The following HOXD1 variants were observed in gnomAD, a reference collection of about 807,000 sequenced individuals.
The protein encoded by HOXD1 is homeobox D1.
HOXD1 carries 17 observed loss-of-function variants against 19.9 expected under a neutral mutation model. The ratio of observed to expected loss-of-function variants is 0.85; its 90% CI spans 0.58 to 1.28. The LOEUF (loss-of-function observed/expected upper bound fraction) is 1.28. Among genes scored for constraint, HOXD1 ranks in the 50% most tolerant of loss-of-function variants. The probability of loss-of-function intolerance (pLI) is 0.00; values close to 1 mark genes in which losing one functional copy is unlikely to be tolerated. For missense variants in HOXD1, 500 were observed against 460.1 expected, an observed-to-expected ratio of 1.09 and a Z score of -0.79; for synonymous variants, 239 against 216.0, an observed-to-expected ratio of 1.11 and a Z score of -0.93.
Position 176,189,315 on chromosome 2 carries a change from G to A in HOXD1, c.514G>A (p.Asp172Asn), listed in dbSNP as rs1425541814. The change falls in exon 1 of 2, where the codon GAC becomes AAC. Residue 172 changes from aspartate to asparagine, a missense_variant. Physicochemically the swap from Asp to Asn is conservative, Grantham distance 23 (BLOSUM62 1). Transcript: ENST00000331462. ...TCCGGCTTGTCTCAAAGCGTCAGCC[G>A]ACGGCCACCCTGGTGCTTTCCAGAC... ...PFPACLKASA[D>N]GHPGAFQTAS... 1 of 1,611,778 alleles carries A rather than the reference G, an allele frequency of 6.2e-7. No homozygotes were observed. Among genetic ancestry groups the A allele is most frequent in the Non-Finnish European group, 8.5e-7 (1 of 1,179,604 alleles).
In HOXD1 at chr2:176,190,132, A is replaced by G; in HGVS notation, c.977A>G (p.Glu326Gly). 1 of 1,595,014 alleles carries G rather than the reference A, an allele frequency of 6.3e-7. No individual in the cohort carries two copies. Among genetic ancestry groups the G allele is most frequent in the Non-Finnish European group, 8.5e-7 (1 of 1,170,226 alleles). The stretch of plus-strand genomic sequence containing the variant: ...CCCGGCAGCCCTTCTCAGTCCCAAG[A>G]GCCTTCGTGAGGCCGGTACTTGGGG... ...KNPGSPSQSQEPS is the reference protein window; with the variant it reads ...KNPGSPSQSQGPS The change falls in exon 2 of 2, where the codon GAG (glutamate) becomes GGG (glycine). Residue 326 changes from glutamate to glycine, a missense_variant. Glu to Gly is a moderately conservative substitution (Grantham distance 98). Coordinates refer to ENST00000331462, the MANE Select transcript of HOXD1 (RefSeq NM_024501.3).
In HOXD1 at chr2:176,189,896, G is replaced by A; in HGVS notation, c.741G>A (p.Glu247=). ...STKQLTELEK[E]FHFNKYLTRA... is the part of the protein sequence containing the mutation. ...AGCAACTGACAGAACTGGAAAAAGA[G>A]TTTCATTTCAATAAGTACTTAACTC... The change falls in exon 2 of 2, where the codon GAG becomes GAA. Residue 247 remains glutamate (E), a synonymous_variant. Coordinates refer to ENST00000331462, the MANE Select transcript of HOXD1 (RefSeq NM_024501.3). 1 of 1,614,212 alleles carries A rather than the reference G, an allele frequency of 6.2e-7. No homozygotes were observed. The highest frequency in any genetic ancestry group is 8.5e-7 in the Non-Finnish European group (1 of 1,180,044).
At chr2:176,189,731 T>G (rs774507962) in intron 1 of HOXD1, 77 bp from the exon 2 acceptor site, 2 of 1,612,006 alleles carry the variant, frequency 1.2e-6, no homozygotes, top group South Asian at 1.1e-5. Flanking sequence ...GGGACTTTGA[T>G]TCTAACTAGC....
chr2:176,189,934 T>C lies in HOXD1; in HGVS notation c.779T>C (p.Ile260Thr), dbSNP rs1408792103. The change falls in exon 2 of 2, where the codon ATC becomes ACC. Residue 260 changes from isoleucine (I) to threonine (T), a missense_variant. Physicochemically the swap from Ile to Thr is moderately conservative, Grantham distance 89. Transcript: ENST00000331462. ...FNKYLTRARR[I>T]EIANCLHLND... is the part of the protein sequence containing the mutation. ...AAGTACTTAACTCGAGCCCGGCGCA[T>C]CGAGATAGCCAACTGCTTGCACCTG... 6.2e-7 allele frequency: 1 copy of C among 1,613,894 alleles called. No homozygotes were observed. The highest frequency in any genetic ancestry group is 1.3e-5 in the African/African-American group (1 of 74,866).
Position 176,190,201 on chromosome 2 carries a change from C to A in HOXD1, c.*59C>A. 3 of 1,161,680 alleles carry A rather than the reference C, an allele frequency of 2.6e-6. No homozygotes were observed. Among genetic ancestry groups the A allele is most frequent in the East Asian group, 2.4e-5 (1 of 42,184 alleles). 72.0% of individuals were successfully genotyped at this position (1,161,680 alleles called of 1,614,324 possible). A position where few individuals can be genotyped will look rare whatever the true frequency, so the allele number is the denominator to read the frequency against. On this transcript the variant is annotated 3_prime_UTR_variant, in exon 2 of 2. Coordinates refer to ENST00000331462, the MANE Select transcript of HOXD1 (RefSeq NM_024501.3). ...CAGAAGTCCCAGGCGACCCCCATCC[C>A]TATCTAGACTTAGGAGCTCAGTTTG... is the stretch of plus-strand genomic sequence containing the variant.
chr2:176,188,829 TGCAGCA>T lies in HOXD1; in HGVS notation c.34_39del (p.Ser12_Ser13del). 6.2e-7 allele frequency: 1 copy of T among 1,608,938 alleles called. No individual in the cohort carries two copies. Among genetic ancestry groups the T allele is most frequent in the South Asian group, 1.1e-5 (1 of 90,692 alleles). ...GAGCTCCTACCTGGAGTACGTGTCA[TGCAGCA>T]GCAGCGGCGGGGTCGGCGGCGACGT... On this transcript the variant is annotated inframe_deletion, in exon 1 of 2. Coordinates refer to ENST00000331462, the MANE Select transcript of HOXD1 (RefSeq NM_024501.3).
Position 176,188,834 on chromosome 2 carries a change from C to T in HOXD1, c.33C>T (p.Ser11=). ...CCTACCTGGAGTACGTGTCATGCAG[C>T]AGCAGCGGCGGGGTCGGCGGCGACG... is the stretch of plus-strand genomic sequence containing the variant. MSSYLEYVSC[S]SSGGVGGDVL... is the part of the protein sequence containing the mutation. Residue 11 remains serine (S), a synonymous_variant, in exon 1 of 2, where the codon AGC becomes AGT. Transcript: ENST00000331462. 1 of 1,608,588 alleles carries T rather than the reference C, an allele frequency of 6.2e-7. No homozygotes were observed. Among genetic ancestry groups the T allele is most frequent in the Non-Finnish European group, 8.5e-7 (1 of 1,178,212 alleles).
intron 1 of HOXD1, 58 bp downstream of exon 1, chr2:176,189,511 G>C (rs1450803413): frequency 6.2e-7 from 1 of 1,612,130 alleles, no homozygotes; most frequent in Non-Finnish European, 8.5e-7. Flanking sequence ...CCTCCCCCGC[G>C]GAAATGCGCT....
rs1475056287 is a variant in HOXD1, at chr2:176,189,680, TG to T, written c.653-126del. ...AAGGAGCTCTCCGTGGAACTTCTCC[TG>T]GTACAAATTCTGTTCCTAGGGACCC... On this transcript the variant is annotated intron_variant, in intron 1 of 1. Coordinates refer to ENST00000331462, the MANE Select transcript of HOXD1 (RefSeq NM_024501.3). 5.6e-6 allele frequency: 9 copies of T among 1,600,998 alleles called. No individual in the cohort carries two copies. The African/African-American group carries it at 1.1e-4, about 19-fold the overall frequency.
chr2:176,190,212 T>A lies in HOXD1; in HGVS notation c.*70T>A. 1 of 1,048,568 alleles carries A rather than the reference T, an allele frequency of 9.5e-7. No homozygotes were observed. Among genetic ancestry groups the A allele is most frequent in the Non-Finnish European group, 1.4e-6 (1 of 708,910 alleles). The allele number at this position is 1,048,568 out of a possible 1,614,324, so 65.0% of individuals were successfully genotyped here. A position where few individuals can be genotyped will look rare whatever the true frequency, so the allele number is the denominator to read the frequency against. On this transcript the variant is annotated 3_prime_UTR_variant, in exon 2 of 2. Coordinates refer to ENST00000331462, the MANE Select transcript of HOXD1 (RefSeq NM_024501.3). ...GGCGACCCCCATCCCTATCTAGACTTAGGAGCTCAGTTTGGGATGGAGGTG... is the reference window on the plus strand; with the variant it reads ...GGCGACCCCCATCCCTATCTAGACTAAGGAGCTCAGTTTGGGATGGAGGTG...
intron 1 of HOXD1, 158 bp from the exon 2 acceptor site, chr2:176,189,650 T>G: frequency 6.4e-7 from 1 of 1,573,568 alleles, no homozygotes; most frequent in African/African-American, 1.4e-5. Flanking sequence ...TGAGAAAATT[T>G]CAGGAAGGAG....
rs1221176354 is a variant in HOXD1 at position 176,189,969 on chromosome 2, C to T, written c.814C>T (p.Gln272Ter). The change falls in exon 2 of 2, where the codon CAA (glutamine) becomes TAA (stop). Residue 272 changes from glutamine to a stop codon, truncating the protein, a stop_gained. Coordinates refer to ENST00000331462, the MANE Select transcript of HOXD1 (RefSeq NM_024501.3). LOFTEE classifies it high-confidence loss of function. ...CAACTGCTTGCACCTGAATGACACG[C>T]AAGTCAAAATCTGGTTCCAGAACCG... Reference protein sequence around the residue: ...IANCLHLNDTQVKIWFQNRRM... With the variant: ...IANCLHLNDT 6.2e-7 allele frequency: 1 copy of T among 1,613,998 alleles called. No individual in the cohort carries two copies. The highest frequency in any genetic ancestry group is 1.3e-5 in the African/African-American group (1 of 74,920).
In HOXD1 at chr2:176,190,101, A is replaced by C; in HGVS notation, c.946A>C (p.Lys316Gln). ...TGGAACAACCCCCACTAAGTTTATCAAGAACCCCGGCAGCCCTTCTCAGTC... is the reference window on the plus strand; with the variant it reads ...TGGAACAACCCCCACTAAGTTTATCCAGAACCCCGGCAGCCCTTCTCAGTC... The part of the protein sequence containing the change: ...LSGTTPTKFI[K>Q]NPGSPSQSQE... Residue 316 changes from lysine (K) to glutamine (Q), a missense_variant, in exon 2 of 2, where the codon AAG becomes CAG. By Grantham distance (53) the Lys-to-Gln change is moderately conservative. Coordinates refer to ENST00000331462, the MANE Select transcript of HOXD1 (RefSeq NM_024501.3). 6.2e-7 allele frequency: 1 copy of C among 1,613,468 alleles called. No individual in the cohort carries two copies.
In HOXD1 at chr2:176,190,109, C is replaced by T. The variant is rs1399571945; in HGVS notation, c.954C>T (p.Pro318=). Residue 318 remains proline, a synonymous_variant, in exon 2 of 2, where the codon CCC becomes CCT. Transcript: ENST00000331462. Reference sequence around the variant, plus strand: ...CCCCCACTAAGTTTATCAAGAACCCCGGCAGCCCTTCTCAGTCCCAAGAGC... The same window carrying T: ...CCCCCACTAAGTTTATCAAGAACCCTGGCAGCCCTTCTCAGTCCCAAGAGC... ...GTTPTKFIKN[P]GSPSQSQEPS 3 of 1,612,838 alleles carry T rather than the reference C, an allele frequency of 1.9e-6. No individual in the cohort carries two copies. Among genetic ancestry groups the T allele is most frequent in the Non-Finnish European group, 2.5e-6 (3 of 1,179,322 alleles).
In HOXD1 at chr2:176,189,872, G is replaced by A; in HGVS notation, c.717G>A (p.Lys239=). The change falls in exon 2 of 2, where the codon AAG becomes AAA. Residue 239 remains lysine (K), a synonymous_variant. Transcript: ENST00000331462. ...SSAIRTNFST[K]QLTELEKEFH... ...CGATCCGCACGAATTTCAGCACCAAGCAACTGACAGAACTGGAAAAAGAGT... is the reference window on the plus strand; with the variant it reads ...CGATCCGCACGAATTTCAGCACCAAACAACTGACAGAACTGGAAAAAGAGT... 1 of 1,614,196 alleles carries A rather than the reference G, an allele frequency of 6.2e-7. No individual in the cohort carries two copies. The highest frequency in any genetic ancestry group is 8.5e-7 in the Non-Finnish European group (1 of 1,180,048).
rs781572858 is a variant in HOXD1 at position 176,188,671 on chromosome 2, A to T, written c.-131A>T. 2.1e-6 allele frequency: 2 copies of T among 946,030 alleles called. No homozygotes were observed. Among genetic ancestry groups the T allele is most frequent in the Non-Finnish European group, 3.3e-6 (2 of 613,854 alleles). 58.6% of individuals were successfully genotyped at this position (946,030 alleles called of 1,614,324 possible). A position where few individuals can be genotyped will look rare whatever the true frequency, so the allele number is the denominator to read the frequency against. ...ACTATTTACCTCCGGCTCACTCGCC[A>T]TGGGTTGGAGAGGGCAGCTCGGGTA... is the stretch of plus-strand genomic sequence containing the variant. On this transcript the variant is annotated 5_prime_UTR_variant, in exon 1 of 2. The change abolishes an upstream ATG in the 5' untranslated region. Coordinates refer to ENST00000331462, the MANE Select transcript of HOXD1 (RefSeq NM_024501.3).
Position 176,189,134 on chromosome 2 carries a change from C to G in HOXD1, c.333C>G (p.Ser111=), listed in dbSNP as rs1201640298. The G allele has an allele frequency of 1.3e-6, 2 of 1,573,216 alleles. No individual in the cohort carries two copies. The highest frequency in any genetic ancestry group is 3.5e-5 in the Admixed American group (2 of 56,992). The change falls in exon 1 of 2, where the codon TCC becomes TCG. Residue 111 remains serine, a synonymous_variant. Coordinates refer to ENST00000331462, the MANE Select transcript of HOXD1 (RefSeq NM_024501.3). Reference sequence around the variant, plus strand: ...GCGCGGACTACGGCTTCCTGGGGTCCGGGCCGGCGTACGACTTCCCGGGCG... The same window carrying G: ...GCGCGGACTACGGCTTCCTGGGGTCGGGGCCGGCGTACGACTTCCCGGGCG... ...AGGADYGFLG[S]GPAYDFPGVL...
rs1433714139 is a variant in HOXD1 at position 176,189,031 on chromosome 2, C to G, written c.230C>G (p.Pro77Arg). 7.1e-7 allele frequency: 1 copy of G among 1,413,182 alleles called. No individual in the cohort carries two copies. Among genetic ancestry groups the G allele is most frequent in the African/African-American group, 1.5e-5 (1 of 65,752 alleles). 87.5% of individuals were successfully genotyped at this position (1,413,182 alleles called of 1,614,324 possible). A position where few individuals can be genotyped will look rare whatever the true frequency, so the allele number is the denominator to read the frequency against. ...CCCGCGCGGCCGTCCGTACCGCCTC[C>G]GGCCGCGCCCCAGTACGCGCAGTGC... ...AAPARPSVPP[P>R]AAPQYAQCTL... The change falls in exon 1 of 2, where the codon CCG becomes CGG. Residue 77 changes from proline (P) to arginine (R), a missense_variant. By Grantham distance (103) the Pro-to-Arg change is moderately radical (BLOSUM62 -2). Coordinates refer to ENST00000331462, the MANE Select transcript of HOXD1 (RefSeq NM_024501.3).
In HOXD1 at chr2:176,188,693, G is replaced by T. The variant is rs745393796; in HGVS notation, c.-109G>T. ...GCCATGGGTTGGAGAGGGCAGCTCGGGTAGAGAGGGCTGGCGGAGCGGCGC... is the reference window on the plus strand; with the variant it reads ...GCCATGGGTTGGAGAGGGCAGCTCGTGTAGAGAGGGCTGGCGGAGCGGCGC... On this transcript the variant is annotated 5_prime_UTR_variant, in exon 1 of 2. Coordinates refer to ENST00000331462, the MANE Select transcript of HOXD1 (RefSeq NM_024501.3). 6.0e-6 allele frequency: 7 copies of T among 1,163,050 alleles called. No individual in the cohort carries two copies. The Admixed American group carries it at 1.2e-4, about 20-fold the overall frequency. 72.0% of individuals were successfully genotyped at this position (1,163,050 alleles called of 1,614,324 possible).
Sources: allele counts gnomAD v4.1 joint callset, GRCh38; gene constraint gnomAD v4.1.1; transcripts MANE v1.5; gene names NCBI Gene and HGNC (gene_info 2026-07-23, HGNC 2026-07-21).